The following LINGO1 variants were observed in gnomAD, a reference collection of about 807,000 sequenced individuals.
LINGO1 encodes leucine-rich repeat and immunoglobulin-like domain-containing nogo receptor-interacting protein 1.
A neutral mutation model predicts 37.3 loss-of-function variants in LINGO1; 11 were observed. The ratio of observed to expected loss-of-function variants is 0.29; its 90% CI spans 0.19 to 0.49. The LOEUF (loss-of-function observed/expected upper bound fraction) is 0.49. Ranked by LOEUF, LINGO1 falls within the 20% of genes least tolerant of loss-of-function variation. LINGO1 has a pLI of 0.99. For synonymous variants in LINGO1, 387 were observed against 403.0 expected, an observed-to-expected ratio of 0.96 and a Z score of 0.48; for missense variants, 585 against 878.2, an observed-to-expected ratio of 0.67 and a Z score of 4.22.
chr15:77,777,342 TAC>T (rs372625740), intron 1 of LINGO1, among the ~76,000 whole-genome samples: 20 of 147,280 alleles, frequency 1.4e-4, no homozygotes, highest in East Asian at 4.0e-4. Flanking sequence ...GCCCCTCCCA[TAC>T]ACACACACAC....
At chr15:77,689,707 C>G (rs1407443755) in intron 2 of LINGO1, among the ~76,000 whole-genome samples, 1 of 152,224 alleles carries the variant, frequency 6.6e-6, no homozygotes, top group African/African-American at 2.4e-5. Flanking sequence ...GATTTCTTCT[C>G]TTCCTCCCTT....
At chr15:77,803,587 C>T (rs2076936273) in intron 1 of LINGO1, among the ~76,000 whole-genome samples, 1 of 152,052 alleles carries the variant, frequency 6.6e-6, no homozygotes, top group Admixed American at 6.5e-5. Context: ...GGAGGTGGGG[C>T]CTAGTGGGAG....
chr15:77,763,137 G>A (rs11635700), intron 1 of LINGO1, among the ~76,000 whole-genome samples: 25,092 of 152,202 alleles, frequency 0.16, 2,555 homozygotes, highest in Admixed American at 0.3. Flanking sequence ...CATAATCCCC[G>A]TTTCTGTGGG....
intron 2 of LINGO1, among the ~76,000 whole-genome samples, chr15:77,722,282 T>C (rs1457266847): frequency 4.6e-5 from 7 of 152,228 alleles, no homozygotes; most frequent in Non-Finnish European, 7.3e-5. Context: ...TGGGCTGGAC[T>C]CTGGGTTTAT....
intron 1 of LINGO1, among the ~76,000 whole-genome samples, chr15:77,628,330 A>T (rs1219903408): frequency 2.6e-5 from 4 of 152,214 alleles, no homozygotes; most frequent in Admixed American, 1.3e-4. Flanking sequence ...GGAGAATGTT[A>T]ATTACACTTT....
intron 3 of LINGO1, among the ~76,000 whole-genome samples, chr15:77,650,467 C>T (rs1016474815): frequency 6.6e-6 from 1 of 152,218 alleles, no homozygotes; most frequent in African/African-American, 2.4e-5. Flanking sequence ...CAACCCTGGG[C>T]ATCCAGCAGG....
intron 1 of LINGO1, among the ~76,000 whole-genome samples, chr15:77,762,767 C>T (rs574178382): frequency 1.3e-5 from 2 of 152,318 alleles, no homozygotes; most frequent in Non-Finnish European, 1.5e-5. Context: ...ACCCACCACC[C>T]GAGAGACAAA....
intron 1 of LINGO1, among the ~76,000 whole-genome samples, chr15:77,815,699 C>G (rs1460702832): frequency 6.6e-6 from 1 of 152,112 alleles, no homozygotes; most frequent in Non-Finnish European, 1.5e-5. Flanking sequence ...CCTCGCCGAA[C>G]TCTGACGACC....
At chr15:77,753,541 G>A (rs35939880) in intron 1 of LINGO1, among the ~76,000 whole-genome samples, 1 of 152,104 alleles carries the variant, frequency 6.6e-6, no homozygotes, top group East Asian at 1.9e-4. Flanking sequence ...CTGGGGGTAG[G>A]GGGAGGGAAG....
At chr15:77,695,448 C>T (rs1453049115) in intron 1 of LINGO1, among the ~76,000 whole-genome samples, 1 of 152,180 alleles carries the variant, frequency 6.6e-6, no homozygotes, top group Non-Finnish European at 1.5e-5. Context: ...CAACGCAAGG[C>T]CCGCAAGGCC....
At position 77,801,901 on chromosome 15, in the gene LINGO1, G is replaced by A. The variant is rs559173947; in HGVS notation, c.-457-5848C>T. ...CAGCACGTCTCCGGGCCTCCCAGGC[G>A]AGGGTCAGGGGTTTCTCTAGGTATC... On this transcript the variant is annotated intron_variant, in intron 1 of 5. Coordinates refer to the LINGO1 transcript ENST00000562933. 1.1e-3 allele frequency among the ~76,000 whole-genome samples: 168 copies of A among 152,322 alleles called. 2 individuals carry two copies. The highest frequency in any genetic ancestry group is 3.8e-3 in the African/African-American group (160 of 41,560).
upstream of LINGO1, among the ~76,000 whole-genome samples, chr15:77,636,230 G>A (rs980556424): frequency 6.6e-6 from 1 of 151,688 alleles, no homozygotes; most frequent in Non-Finnish European, 1.5e-5. Context: ...GTGGAGCTGG[G>A]GCAAGGACCA....
chr15:77,648,170 C>T, intron 3 of LINGO1: 3 of 329,984 alleles, frequency 9.1e-6, no homozygotes, highest in Non-Finnish European at 1.8e-5. Flanking sequence ...CCAAGATCAC[C>T]CAGATACAAT....
chr15:77,688,500 G>A (rs780381089), intron 2 of LINGO1, among the ~76,000 whole-genome samples: 5 of 152,176 alleles, frequency 3.3e-5, no homozygotes, highest in Non-Finnish European at 5.9e-5. Flanking sequence ...CCTGACCCTC[G>A]GAGGGCAGAG....
chr15:77,627,094 C>G (rs2074117605), intron 1 of LINGO1, among the ~76,000 whole-genome samples: 2 of 151,814 alleles, frequency 1.3e-5, no homozygotes, highest in Non-Finnish European at 2.9e-5. Context: ...GATTAATTCC[C>G]TGAAAGGGGA....
At position 77,613,891 on chromosome 15, in the gene LINGO1, G is replaced by T; in HGVS notation, c.*153C>A. ...AGAAGGAGGGCAGGTGGTGAGGGCTGGCGGGGGGCAGCAGGGGACGGAGGC... is the reference window on the plus strand; with the variant it reads ...AGAAGGAGGGCAGGTGGTGAGGGCTTGCGGGGGGCAGCAGGGGACGGAGGC... On this transcript the variant is annotated 3_prime_UTR_variant, in exon 2 of 2. Transcript: ENST00000355300. 1 of 696,510 alleles carries T rather than the reference G, an allele frequency of 1.4e-6. No individual in the cohort carries two copies. The highest frequency in any genetic ancestry group is 1.9e-5 in the South Asian group (1 of 52,248). The allele number at this position is 696,510 out of a possible 1,614,324, so 43.1% of individuals were successfully genotyped here.
In LINGO1 at chr15:77,615,740, A is replaced by C. The variant is rs1325003266; in HGVS notation, c.167T>G (p.Leu56Arg). The change falls in exon 2 of 2, where the codon CTG becomes CGG. Residue 56 changes from leucine to arginine, a missense_variant. Transcript: ENST00000355300. ...TGCCACAAAGCGCTTGCGGTGGCAC[A>C]GCACAGCGCGGTCCTGGGCGGAGCA... ...CECSAQDRAV[L>R]CHRKRFVAVP... The C allele has an allele frequency of 6.3e-7, 1 of 1,592,072 alleles. No homozygotes were observed.
In LINGO1 at chr15:77,799,464, G is replaced by A. The variant is rs145061358; in HGVS notation, c.-457-3411C>T. Among the ~76,000 whole-genome samples, 50 of 152,316 alleles carry A rather than the reference G, an allele frequency of 3.3e-4. No individual in the cohort carries two copies. The Middle Eastern group carries it at 0.01, about 31-fold the overall frequency. On this transcript the variant is annotated intron_variant, in intron 1 of 5. Transcript: ENST00000562933. The stretch of plus-strand genomic sequence containing the variant: ...CCACCTGGGGCCCACACCTCCAGGA[G>A]GTAAAGGGTGGTATTTCTCATTAGC...
Position 77,659,535 on chromosome 15 carries a change from G to C in LINGO1, c.-13+17554C>G, listed in dbSNP as rs555355762. Among the ~76,000 whole-genome samples, 6 of 152,346 alleles carry C rather than the reference G, an allele frequency of 3.9e-5. 1 individual carries two copies. The South Asian group carries it at 1.2e-3, about 32-fold the overall frequency. ...TTCCAGTTGTGGACATGGAGGCTCA[G>C]AGAGGGCATGTAGTTTGCCTGAGAC... On this transcript the variant is annotated intron_variant, in intron 3 of 3. Transcript: ENST00000559893.
Sources: allele counts gnomAD v4.1 joint callset (sites outside exome capture counted in the v4.1 genomes callset), GRCh38; gene constraint gnomAD v4.1.1; transcripts MANE v1.5; gene names NCBI Gene and HGNC (gene_info 2026-07-23, HGNC 2026-07-21).